RABGAP1L: variants seen among roughly 807,000 people sequenced by gnomAD.
RABGAP1L encodes rab GTPase-activating protein 1-like.
A neutral mutation model predicts 137.7 loss-of-function variants in RABGAP1L; 63 were observed. The observed-to-expected ratio is 0.46, with a 90% CI of 0.37 to 0.56. RABGAP1L has a LOEUF of 0.56. RABGAP1L is among the 20% of genes least tolerant of loss of function. The probability of loss-of-function intolerance (pLI) is 0.00; values close to 1 mark genes in which losing one functional copy is unlikely to be tolerated. For synonymous variants in RABGAP1L, 431 were observed against 433.7 expected (o/e 0.99, Z 0.08); for missense variants, 1,095 against 1,244.0 (o/e 0.88, Z 1.80).
intron 1 of RABGAP1L, among the ~76,000 whole-genome samples, chr1:174,208,020 T>A (rs1340163512): frequency 1.3e-5 from 2 of 152,218 alleles, no homozygotes; most frequent in South Asian, 2.1e-4. Flanking sequence ...ATTGAATATC[T>A]CTACATTAAT....
chr1:174,527,524 A>C (rs1250290025), intron 13 of RABGAP1L, among the ~76,000 whole-genome samples: 1 of 152,154 alleles, frequency 6.6e-6, no homozygotes, highest in Admixed American at 6.5e-5. Context: ...CTGTTTTTAC[A>C]AATTTATTGA....
intron 21 of RABGAP1L, among the ~76,000 whole-genome samples, chr1:174,973,972 GTTTTTTGTTTTT>G (rs1670398454): frequency 1.1e-5 from 1 of 94,230 alleles, no homozygotes. Flanking sequence ...CAGTACAATT[GTTTTTTGTTTTT>G]TTTTTTTTTT....
At chr1:174,351,765 A>G (rs1028544640) in intron 11 of RABGAP1L, among the ~76,000 whole-genome samples, 1 of 147,990 alleles carries the variant, frequency 6.8e-6, no homozygotes. Context: ...ATCTTTCTCT[A>G]CGTTTGGGAA....
At chr1:174,274,752 A>C (rs1215160112) in intron 8 of RABGAP1L, among the ~76,000 whole-genome samples, 1 of 152,002 alleles carries the variant, frequency 6.6e-6, no homozygotes, top group Non-Finnish European at 1.5e-5. Flanking sequence ...CCCTGCGCTC[A>C]AGCTACACAA....
chr1:174,394,557 T>G (rs929448319), intron 13 of RABGAP1L, among the ~76,000 whole-genome samples: 4 of 152,184 alleles, frequency 2.6e-5, no homozygotes, highest in Non-Finnish European at 5.9e-5. Context: ...CACCTTACAT[T>G]TAAATAATGT....
chr1:174,656,969 G>A (rs1676017434), intron 14 of RABGAP1L, among the ~76,000 whole-genome samples: 1 of 151,774 alleles, frequency 6.6e-6, no homozygotes, highest in Admixed American at 6.6e-5. Flanking sequence ...AGAGTGTAGA[G>A]CCTTCTCAGG....
intron 13 of RABGAP1L, among the ~76,000 whole-genome samples, chr1:174,499,120 C>A (rs150619069): frequency 1.3e-4 from 20 of 151,892 alleles, no homozygotes; most frequent in African/African-American, 4.8e-4. Flanking sequence ...AAATGAGTTT[C>A]TTTATGCAAA....
chr1:174,518,291 AG>A (rs1165011435), intron 13 of RABGAP1L, among the ~76,000 whole-genome samples: 2 of 152,060 alleles, frequency 1.3e-5, no homozygotes, highest in African/African-American at 4.8e-5. Context: ...CTCAGTATCT[AG>A]GGGGGATTGG....
At chr1:174,178,469 A>G (rs1001915670) in intron 1 of RABGAP1L, among the ~76,000 whole-genome samples, 3 of 152,164 alleles carry the variant, frequency 2.0e-5, no homozygotes, top group Non-Finnish European at 2.9e-5. Flanking sequence ...TGACCCAGCA[A>G]TCTCATTACT....
intron 19 of RABGAP1L, among the ~76,000 whole-genome samples, chr1:174,901,120 C>T (rs770334513): frequency 2.0e-5 from 3 of 152,108 alleles, no homozygotes; most frequent in Non-Finnish European, 4.4e-5. Context: ...GTGAAGTTCT[C>T]ATGTTGTGTT....
intron 11 of RABGAP1L, among the ~76,000 whole-genome samples, chr1:174,369,664 T>G (rs755915201): frequency 1.9e-4 from 29 of 152,228 alleles, no homozygotes; most frequent in Non-Finnish European, 2.2e-4. Context: ...ACTTCTATAG[T>G]AGTAATATTT....
chr1:174,429,461 G>A (rs1217948350), intron 13 of RABGAP1L, among the ~76,000 whole-genome samples: 3 of 152,150 alleles, frequency 2.0e-5, no homozygotes, highest in Non-Finnish European at 2.9e-5. Flanking sequence ...CCAATGGAGG[G>A]CCGGGCACGG....
At chr1:174,872,468 A>G (rs888349472) in intron 19 of RABGAP1L, among the ~76,000 whole-genome samples, 3 of 152,014 alleles carry the variant, frequency 2.0e-5, no homozygotes, top group Non-Finnish European at 4.4e-5. Context: ...GGGCTTTGTA[A>G]TGTACACTGC....
At position 174,438,165 on chromosome 1, in the gene RABGAP1L, C is replaced by T. The variant is rs956234131; in HGVS notation, c.1710+44020C>T. 5.9e-5 allele frequency among the ~76,000 whole-genome samples: 9 copies of T among 152,154 alleles called. No individual in the cohort carries two copies. In the East Asian group the frequency reaches 1.7e-3, roughly 29 times the overall value. ...GCTAGGAAGAAACTGCATCAACTAACGAGCAAGATCTTAACTCTTAAGGCT... is the reference window on the plus strand; with the variant it reads ...GCTAGGAAGAAACTGCATCAACTAATGAGCAAGATCTTAACTCTTAAGGCT... On this transcript the variant is annotated intron_variant, in intron 13 of 25. Coordinates refer to ENST00000681986, the MANE Select transcript of RABGAP1L (RefSeq NM_001366446.1).
At chr1:174,378,054 C>A (rs370876408) in intron 12 of RABGAP1L, among the ~76,000 whole-genome samples, 2 of 139,540 alleles carry the variant, frequency 1.4e-5, no homozygotes, top group East Asian at 4.0e-4. Context: ...TTTGTTCTTG[C>A]GATAGTTTAC....
chr1:174,292,019 T>TTTGTTATTA (rs372810832), intron 10 of RABGAP1L, among the ~76,000 whole-genome samples: 1 of 139,046 alleles, frequency 7.2e-6, no homozygotes, highest in Admixed American at 7.2e-5. Context: ...GATTAGATCA[T>TTTGTTATTA]TTATTATTAT....
intron 13 of RABGAP1L, among the ~76,000 whole-genome samples, chr1:174,588,840 C>A (rs551463889): frequency 6.6e-6 from 1 of 152,204 alleles, no homozygotes; most frequent in East Asian, 1.9e-4. Context: ...TTTCTTTATC[C>A]ATTCATCTGT....
At chr1:174,356,915 A>G (rs529893596) in intron 11 of RABGAP1L, among the ~76,000 whole-genome samples, 181 of 152,220 alleles carry the variant, frequency 1.2e-3, no homozygotes, top group African/African-American at 4.1e-3. Flanking sequence ...TTTTCATTTA[A>G]TTTTTACAAC....
chr1:174,284,449 CCAT>C (rs541722437), intron 10 of RABGAP1L, among the ~76,000 whole-genome samples: 148 of 152,260 alleles, frequency 9.7e-4, no homozygotes, highest in Non-Finnish European at 7.5e-4. Flanking sequence ...GAGTCATATT[CCAT>C]TATGTGCAAG....
Sources: gnomAD v4.1 joint callset for allele counts (sites outside exome capture counted in the v4.1 genomes callset) on GRCh38, gnomAD v4.1.1 for gene constraint, MANE v1.5 for transcripts, NCBI Gene and HGNC (gene_info 2026-07-23, HGNC 2026-07-21) for gene names.